Variants in LRCH3 observed in about 807,000 individuals in gnomAD.
The protein encoded by LRCH3 is DISP complex protein LRCH3.
Under a neutral mutation model 104.5 loss-of-function variants are expected in LRCH3, and 68 were observed. That is an observed-to-expected ratio of 0.65 (90% confidence interval 0.54 to 0.80). The LOEUF (loss-of-function observed/expected upper bound fraction) is 0.80. LRCH3 is among the 30% of genes least tolerant of loss of function. LRCH3 has a pLI of 0.00. For synonymous variants in LRCH3, 344 were observed against 361.3 expected (o/e 0.95, Z 0.54); for missense variants, 951 against 953.9 (o/e 1.00, Z 0.04).
chr3:197,845,955 G>A (rs554175796), intron 10 of LRCH3, among the ~76,000 whole-genome samples: 6 of 152,264 alleles, frequency 3.9e-5, no homozygotes, highest in African/African-American at 1.4e-4. Context: ...TAGTGTTCAG[G>A]TTAGGGCACA....
chr3:197,855,018 A>G (rs1046512958), intron 14 of LRCH3, among the ~76,000 whole-genome samples: 2 of 152,124 alleles, frequency 1.3e-5, no homozygotes, highest in African/African-American at 2.4e-5. Flanking sequence ...TGAGTATAAG[A>G]TGGAAGGTTT....
intron 1 of LRCH3, among the ~76,000 whole-genome samples, chr3:197,804,127 C>G (rs941024278): frequency 6.6e-6 from 1 of 151,934 alleles, no homozygotes; most frequent in East Asian, 1.9e-4. Flanking sequence ...GGCGTGGTGG[C>G]GTGCACCTCT....
rs1285886429 is a variant in LRCH3 at position 197,856,486 on chromosome 3, A to G, written c.1644+2041A>G. Reference sequence around the variant, plus strand: ...GAGGCTGGAGTGCAGTGGCATGAACATGGTTCCTTGAAGCATCAGCCTCTT... The same window carrying G: ...GAGGCTGGAGTGCAGTGGCATGAACGTGGTTCCTTGAAGCATCAGCCTCTT... On this transcript the variant is annotated intron_variant, in intron 14 of 20. Coordinates refer to ENST00000425562, the MANE Select transcript of LRCH3 (RefSeq NM_001365715.1). This position sits in a 1 kb window ranked among gnomAD's most constrained non-coding sequence, Gnocchi z 4.2. Among the ~76,000 whole-genome samples the G allele has an allele frequency of 6.6e-6, 1 of 151,942 alleles. No homozygotes were observed. Among genetic ancestry groups the G allele is most frequent in the Admixed American group, 6.6e-5 (1 of 15,236 alleles).
chr3:197,882,397 A>G lies in LRCH3; in HGVS notation c.2209-1144A>G, dbSNP rs151174736. 5.8e-4 allele frequency: 570 copies of G among 978,368 alleles called. 3 individuals are homozygous for G. The African/African-American group carries it at 9.5e-3, about 16-fold the overall frequency. The allele number at this position is 978,368 out of a possible 1,614,324, so 60.6% of individuals were successfully genotyped here. A position where few individuals can be genotyped will look rare whatever the true frequency, so the allele number is the denominator to read the frequency against. On this transcript the variant is annotated intron_variant, in intron 20 of 20. Coordinates refer to ENST00000425562, the MANE Select transcript of LRCH3 (RefSeq NM_001365715.1). ...AAGATTACAGTTACCTCATTTTATC[A>G]AAATAAGTATTAAATAAAAAGTAAG...
intron 10 of LRCH3, among the ~76,000 whole-genome samples, chr3:197,839,845 A>G (rs768898091): frequency 6.6e-6 from 1 of 151,822 alleles, no homozygotes; most frequent in Non-Finnish European, 1.5e-5. Context: ...ATGGTGGTGC[A>G]TGCCTGTGGT....
chr3:197,865,908 C>T (rs993279799), intron 16 of LRCH3, among the ~76,000 whole-genome samples: 2 of 152,012 alleles, frequency 1.3e-5, no homozygotes, highest in African/African-American at 4.8e-5. Flanking sequence ...ATTGATAACA[C>T]CAAAAATAAC....
At chr3:197,814,016 A>G (rs1733527679) in intron 1 of LRCH3, among the ~76,000 whole-genome samples, 1 of 152,234 alleles carries the variant, frequency 6.6e-6, no homozygotes, top group African/African-American at 2.4e-5. Flanking sequence ...ACCTTTATAT[A>G]GGGAAGGCAG....
intron 19 of LRCH3, among the ~76,000 whole-genome samples, chr3:197,874,850 C>T (rs1467827187): frequency 6.6e-6 from 1 of 152,178 alleles, no homozygotes; most frequent in African/African-American, 2.4e-5. Flanking sequence ...CACTGGAACC[C>T]AGTCACACTT....
chr3:197,791,300 G>C lies in LRCH3; in HGVS notation c.22G>C (p.Ala8Pro), dbSNP rs764999605. Residue 8 changes from alanine (A) to proline (P), a missense_variant, in exon 1 of 21, where the codon GCT (alanine) becomes CCT (proline). Coordinates refer to ENST00000425562, the MANE Select transcript of LRCH3 (RefSeq NM_001365715.1). MAAAGLV[A>P]VAAAAEYSGT... ...GGAAATGGCGGCCGCGGGCTTGGTC[G>C]CTGTGGCAGCGGCTGCCGAGTACTC... 2.5e-6 allele frequency: 4 copies of C among 1,608,682 alleles called. No individual in the cohort carries two copies. In the Admixed American group the frequency reaches 6.7e-5, roughly 27 times the overall value.
At chr3:197,799,834 C>T (rs1372305048) in intron 1 of LRCH3, among the ~76,000 whole-genome samples, 1 of 150,728 alleles carries the variant, frequency 6.6e-6, no homozygotes, top group African/African-American at 2.4e-5. Context: ...GATCACGTCA[C>T]TGCACTCCAG....
At position 197,879,571 on chromosome 3, in the gene LRCH3, G is replaced by C. The variant is rs1018904691; in HGVS notation, c.2208+3796G>C. ...TGAGGCGGGAGAATGGCGGGAACCC[G>C]GGAGGCGGAGCTTGCAGTGAGCCGA... On this transcript the variant is annotated intron_variant, in intron 20 of 20. Coordinates refer to ENST00000425562, the MANE Select transcript of LRCH3 (RefSeq NM_001365715.1). 2.0e-4 allele frequency among the ~76,000 whole-genome samples: 31 copies of C among 152,014 alleles called. 1 individual carries two copies. The highest frequency in any genetic ancestry group is 6.3e-4 in the African/African-American group (26 of 41,422).
intron 19 of LRCH3, among the ~76,000 whole-genome samples, chr3:197,874,017 C>T (rs1249040094): frequency 1.0e-5 from 1 of 97,828 alleles, no homozygotes; most frequent in Non-Finnish European, 2.1e-5. Flanking sequence ...GAGACTCTGT[C>T]TCAAAAGAAA....
chr3:197,819,411 T>C (rs1230217367), intron 3 of LRCH3, among the ~76,000 whole-genome samples: 1 of 152,014 alleles, frequency 6.6e-6, no homozygotes, highest in Non-Finnish European at 1.5e-5. Flanking sequence ...GCCTAGAGCA[T>C]TGGACTCAGA....
At chr3:197,879,528 C>T (rs1262939476) in intron 20 of LRCH3, among the ~76,000 whole-genome samples, 2 of 151,660 alleles carry the variant, frequency 1.3e-5, no homozygotes, top group Non-Finnish European at 2.9e-5. Context: ...CGCCTGTAGT[C>T]CCAGCTGCTC....
At chr3:197,862,279 A>C (rs1196809104) in intron 15 of LRCH3, among the ~76,000 whole-genome samples, 1 of 144,040 alleles carries the variant, frequency 6.9e-6, no homozygotes, top group Non-Finnish European at 1.5e-5. Flanking sequence ...TACAGGCGTG[A>C]GCCTACTGCG....
chr3:197,797,773 T>G (rs1347729141), intron 1 of LRCH3, among the ~76,000 whole-genome samples: 7 of 148,746 alleles, frequency 4.7e-5, no homozygotes, highest in Non-Finnish European at 1.0e-4. Flanking sequence ...GGCAGGGGAA[T>G]CGCTTGTGCC....
chr3:197,824,763 G>T (rs926600131), intron 4 of LRCH3, among the ~76,000 whole-genome samples: 3 of 151,234 alleles, frequency 2.0e-5, no homozygotes, highest in Non-Finnish European at 2.9e-5. Flanking sequence ...GTAGAGATGG[G>T]GTTTTACCAT....
intron 5 of LRCH3, among the ~76,000 whole-genome samples, chr3:197,829,321 GTTAT>G (rs1316556064): frequency 6.6e-6 from 1 of 152,114 alleles, no homozygotes; most frequent in African/African-American, 2.4e-5. Flanking sequence ...ATAATCAAAA[GTTAT>G]TTATTTATAT....
intron 1 of LRCH3, among the ~76,000 whole-genome samples, chr3:197,804,206 T>C (rs1370614250): frequency 6.6e-6 from 1 of 151,562 alleles, no homozygotes; most frequent in Non-Finnish European, 1.5e-5. Context: ...GAGGTTGCAA[T>C]GAGCCAAGAT....
Sources: allele counts gnomAD v4.1 joint callset (sites outside exome capture counted in the v4.1 genomes callset), GRCh38; gene constraint gnomAD v4.1.1; non-coding constraint Gnocchi (gnomAD v3.1); transcripts MANE v1.5; gene names NCBI Gene and HGNC (gene_info 2026-07-23, HGNC 2026-07-21).